PTPRE: variants seen among roughly 807,000 people sequenced by gnomAD.
The protein encoded by PTPRE is receptor-type tyrosine-protein phosphatase epsilon.
Under a neutral mutation model 102.0 loss-of-function variants are expected in PTPRE, and 51 were observed. The observed-to-expected ratio is 0.50, with a 90% confidence interval of 0.40 to 0.63. PTPRE has a LOEUF of 0.63. Ranked by LOEUF, PTPRE falls within the 30% of genes least tolerant of loss-of-function variation. The pLI is 0.00. For missense variants in PTPRE, 752 were observed against 915.1 expected, an observed-to-expected ratio of 0.82 and a Z score of 2.30; for synonymous variants, 345 against 348.2, an observed-to-expected ratio of 0.99 and a Z score of 0.10.
chr10:127,932,345 ATTGT>A (rs1423895332), intron 1 of PTPRE, among the ~76,000 whole-genome samples: 1 of 152,164 alleles, frequency 6.6e-6, no homozygotes, highest in African/African-American at 2.4e-5. Flanking sequence ...TATTTGGCCT[ATTGT>A]GGCCAAATAT....
At chr10:128,077,819 G>A (rs1851352482) in intron 19 of PTPRE, 36 bp downstream of exon 19, 22 of 1,557,912 alleles carry the variant, frequency 1.4e-5, no homozygotes, top group Non-Finnish European at 1.9e-5. Flanking sequence ...AGGTGGGGTG[G>A]ACACAGGCTG....
intron 1 of PTPRE, among the ~76,000 whole-genome samples, chr10:127,908,903 G>A (rs1014727521): frequency 6.6e-6 from 1 of 152,238 alleles, no homozygotes; most frequent in Non-Finnish European, 1.5e-5. Context: ...GATGTGTCCA[G>A]ATGGCTTGGG....
intron 10 of PTPRE, among the ~76,000 whole-genome samples, chr10:128,065,519 C>T (rs1306891940): frequency 1.3e-5 from 2 of 152,216 alleles, no homozygotes; most frequent in African/African-American, 4.8e-5. Flanking sequence ...AATGCACCCT[C>T]TTCTGCAGAC....
chr10:128,000,563 A>G (rs913544122), intron 2 of PTPRE, among the ~76,000 whole-genome samples: 10 of 152,162 alleles, frequency 6.6e-5, no homozygotes, highest in Non-Finnish European at 4.4e-5. Flanking sequence ...ATATTTGATA[A>G]ATGCTCAAAT....
At chr10:127,993,787 G>GTA (rs59922076) in intron 2 of PTPRE, among the ~76,000 whole-genome samples, 1 of 151,534 alleles carries the variant, frequency 6.6e-6, no homozygotes, top group African/African-American at 2.4e-5. Context: ...GTGTGTGTGT[G>GTA]CGTGTGTGTG....
intron 2 of PTPRE, among the ~76,000 whole-genome samples, chr10:128,029,143 C>T (rs370035616): frequency 2.0e-5 from 3 of 152,196 alleles, no homozygotes; most frequent in Non-Finnish European, 4.4e-5. Context: ...CTGTGGTGCA[C>T]GTGAGTCATC....
intron 17 of PTPRE, among the ~76,000 whole-genome samples, chr10:128,075,157 A>G (rs1050275934): frequency 6.6e-6 from 1 of 152,174 alleles, no homozygotes; most frequent in African/African-American, 2.4e-5. Context: ...TTCATTCGTC[A>G]TCATTATTTC....
At chr10:127,951,807 G>T (rs946044259) in intron 1 of PTPRE, among the ~76,000 whole-genome samples, 4 of 152,220 alleles carry the variant, frequency 2.6e-5, no homozygotes, top group Non-Finnish European at 5.9e-5. Flanking sequence ...GAAAGATGCA[G>T]GAATGGTGAT....
At chr10:128,060,062 C>CCACACACTCCACACAAACATAT (rs1849407976) in intron 7 of PTPRE, among the ~76,000 whole-genome samples, 1 of 138,478 alleles carries the variant, frequency 7.2e-6, no homozygotes. Context: ...CACATACACA[C>CCACACACTCCACACAAACATAT]CACACACATA....
chr10:127,995,870 T>C (rs1035625558), intron 2 of PTPRE, among the ~76,000 whole-genome samples: 1 of 151,042 alleles, frequency 6.6e-6, no homozygotes, highest in Admixed American at 6.6e-5. Context: ...CGCAAAGTAT[T>C]GGAGACCACC....
intron 1 of PTPRE, among the ~76,000 whole-genome samples, chr10:127,975,325 C>A (rs1851066424): frequency 1.3e-5 from 2 of 152,232 alleles, no homozygotes; most frequent in Admixed American, 1.3e-4. Flanking sequence ...ACACGCTACT[C>A]TTCTTATCCG....
chr10:127,922,215 T>C (rs1389493291), intron 1 of PTPRE, among the ~76,000 whole-genome samples: 5 of 152,210 alleles, frequency 3.3e-5, no homozygotes, highest in African/African-American at 1.2e-4. Flanking sequence ...ATTTACACAG[T>C]TCCATTCATT....
At position 127,913,511 on chromosome 10, in the gene PTPRE, C is replaced by A. The variant is rs151018733; in HGVS notation, c.-31+6202C>A. On this transcript the variant is annotated intron_variant, in intron 1 of 20. Transcript: ENST00000254667. Reference sequence around the variant, plus strand: ...TTTTAAATGACCTCTGTACTAAGTCCTTTTATTTTGGCGTCCTCTCACTCC... The same window carrying A: ...TTTTAAATGACCTCTGTACTAAGTCATTTTATTTTGGCGTCCTCTCACTCC... Among the ~76,000 whole-genome samples the A allele has an allele frequency of 8.4e-3, 1,272 of 152,216 alleles. 6 individuals carry two copies. Among genetic ancestry groups the A allele is most frequent in the Admixed American group, 0.015 (227 of 15,286 alleles).
chr10:128,018,595 C>T (rs1404963169), intron 2 of PTPRE, among the ~76,000 whole-genome samples: 1 of 152,154 alleles, frequency 6.6e-6, no homozygotes. Flanking sequence ...AGGAGGGGGG[C>T]TGAGAGAAAC....
rs1848232763 is a variant in PTPRE, at chr10:128,047,843, G to A, written c.283+6G>A. ...CGGAATCTTGGAGGAGCAAGGTACA[G>A]AAGCTGCTCTCTGGCTGGGGCTTGG... On this transcript the variant is annotated splice_donor_region_variant and intron_variant, in intron 5 of 20. Transcript: ENST00000254667. 1 of 1,580,450 alleles carries A rather than the reference G, an allele frequency of 6.3e-7. No homozygotes were observed. Among genetic ancestry groups the A allele is most frequent in the African/African-American group, 1.3e-5 (1 of 74,080 alleles).
rs1845534746 is a variant in PTPRE at position 127,907,250 on chromosome 10, C to T, written c.-90C>T. On this transcript the variant is annotated 5_prime_UTR_variant, in exon 1 of 21. Transcript: ENST00000254667. The surrounding 1 kb of genome is among the most constrained non-coding windows in gnomAD (Gnocchi z 4.8). ...GCCCCGGAGGGCGGCGGGCAGGCGC[C>T]CGGGAGATGCGGAGCCTCCGCTGCA... is the stretch of plus-strand genomic sequence containing the variant. 2 of 984,558 alleles carry T rather than the reference C, an allele frequency of 2.0e-6. No individual in the cohort carries two copies. The highest frequency in any genetic ancestry group is 1.1e-4 in the East Asian group (1 of 8,704). 61.0% of individuals were successfully genotyped at this position (984,558 alleles called of 1,614,324 possible). A position where few individuals can be genotyped will look rare whatever the true frequency, so the allele number is the denominator to read the frequency against.
At chr10:128,044,399 T>C (rs1847932387) in intron 3 of PTPRE, among the ~76,000 whole-genome samples, 1 of 152,234 alleles carries the variant, frequency 6.6e-6, no homozygotes, top group South Asian at 2.1e-4. Flanking sequence ...AGGTAGTCCC[T>C]GGAAGACCCC....
At chr10:128,073,579 G>T in intron 17 of PTPRE, 108 bp downstream of exon 17, 1 of 1,379,416 alleles carries the variant, frequency 7.2e-7, no homozygotes. Flanking sequence ...ACACATGGGT[G>T]AGACCAAGCC....
intron 10 of PTPRE, 65 bp from the exon 11 acceptor site, chr10:128,066,010 T>A: frequency 6.2e-7 from 1 of 1,611,344 alleles, no homozygotes; most frequent in Middle Eastern, 1.7e-4. Context: ...TGTAGTTGGG[T>A]GGGGGGATGT....
Sources: allele counts gnomAD v4.1 joint callset (sites outside exome capture counted in the v4.1 genomes callset), GRCh38; gene constraint gnomAD v4.1.1; non-coding constraint Gnocchi (gnomAD v3.1); transcripts MANE v1.5; gene names NCBI Gene and HGNC (gene_info 2026-07-23, HGNC 2026-07-21).